The following CHRM3 variants were observed in gnomAD, a reference collection of about 807,000 sequenced individuals.
CHRM3 encodes cholinergic receptor muscarinic 3.
CHRM3 carries 11 observed loss-of-function variants against 41.8 expected under a neutral mutation model. The observed-to-expected ratio is 0.26, with a 90% CI of 0.17 to 0.44. CHRM3 has a LOEUF of 0.44. Among genes scored for constraint, CHRM3 ranks in the 20% least tolerant of loss-of-function variants. The pLI is 1.00. For synonymous variants in CHRM3, 297 were observed against 301.4 expected, an observed-to-expected ratio of 0.99 and a Z score of 0.15; for missense variants, 571 against 745.4, an observed-to-expected ratio of 0.77 and a Z score of 2.72.
At chr1:239,827,812 T>G (rs1035299516) in intron 6 of CHRM3, among the ~76,000 whole-genome samples, 1 of 152,232 alleles carries the variant, frequency 6.6e-6, no homozygotes, top group East Asian at 1.9e-4. Flanking sequence ...TGCTCATTAA[T>G]TCATTCGAGG....
rs537362950 is a variant in CHRM3, at chr1:239,648,996, G to A, written c.-250+16710G>A. 6.6e-5 allele frequency among the ~76,000 whole-genome samples: 10 copies of A among 152,200 alleles called. No individual in the cohort carries two copies. In the East Asian group the frequency reaches 1.7e-3, roughly 26 times the overall value. On this transcript the variant is annotated intron_variant, in intron 4 of 6. Coordinates refer to ENST00000676153, the MANE Select transcript of CHRM3 (RefSeq NM_001375978.1). Reference sequence around the variant, plus strand: ...TACATACACACCCATCTATATGTGTGTATATACAGTGTCACATATAATAGT... The same window carrying A: ...TACATACACACCCATCTATATGTGTATATATACAGTGTCACATATAATAGT...
chr1:239,515,966 T>C (rs543445484), intron 2 of CHRM3, among the ~76,000 whole-genome samples: 4 of 152,342 alleles, frequency 2.6e-5, no homozygotes, highest in Non-Finnish European at 5.9e-5. Flanking sequence ...GATTGTAGGA[T>C]ATTATACCCC....
chr1:239,397,620 G>A (rs951140807), intron 1 of CHRM3, among the ~76,000 whole-genome samples: 12 of 151,106 alleles, frequency 7.9e-5, no homozygotes, highest in South Asian at 4.2e-4. Context: ...TGCAGTGAGC[G>A]GAGATCGTGC....
At chr1:239,857,041 C>CT (rs1675179686) in intron 6 of CHRM3, among the ~76,000 whole-genome samples, 1 of 152,082 alleles carries the variant, frequency 6.6e-6, no homozygotes, top group Non-Finnish European at 1.5e-5. Flanking sequence ...TGAGCAGAAA[C>CT]TTGACTGGAG....
At chr1:239,649,044 A>C (rs1031936047) in intron 4 of CHRM3, among the ~76,000 whole-genome samples, 1 of 152,200 alleles carries the variant, frequency 6.6e-6, no homozygotes, top group Admixed American at 6.5e-5. Flanking sequence ...CACATTGTAT[A>C]TATTTTGATT....
At chr1:239,394,586 A>G (rs1659319935) in intron 1 of CHRM3, among the ~76,000 whole-genome samples, 1 of 152,150 alleles carries the variant, frequency 6.6e-6, no homozygotes, top group Non-Finnish European at 1.5e-5. Flanking sequence ...GATGTCATTA[A>G]TGAACAACTT....
At chr1:239,502,812 A>T (rs377259404) in intron 2 of CHRM3, among the ~76,000 whole-genome samples, 2 of 152,360 alleles carry the variant, frequency 1.3e-5, no homozygotes, top group East Asian at 3.9e-4. Flanking sequence ...CAAAAATCAC[A>T]TGATCATCTC....
chr1:239,707,678 C>A (rs1372687650), intron 5 of CHRM3: 4 of 151,986 alleles, frequency 2.6e-5, no homozygotes, highest in Non-Finnish European at 5.9e-5. Flanking sequence ...TTTTTCATTG[C>A]TTTTGTAGTT....
chr1:239,688,953 G>T (rs1021128816), intron 5 of CHRM3, among the ~76,000 whole-genome samples: 5 of 147,588 alleles, frequency 3.4e-5, no homozygotes, highest in African/African-American at 1.2e-4. Context: ...AACTTGCCCT[G>T]CAATCTTATT....
At chr1:239,579,715 A>G (rs1662690532) in intron 3 of CHRM3, among the ~76,000 whole-genome samples, 1 of 152,158 alleles carries the variant, frequency 6.6e-6, no homozygotes, top group Non-Finnish European at 1.5e-5. Context: ...GGACTTTTTA[A>G]AATGTTACCA....
At chr1:239,664,519 T>C (rs1319973507) in intron 4 of CHRM3, among the ~76,000 whole-genome samples, 1 of 152,128 alleles carries the variant, frequency 6.6e-6, no homozygotes, top group African/African-American at 2.4e-5. Context: ...GTTTGGAAAC[T>C]TTATTGTTTT....
intron 5 of CHRM3, among the ~76,000 whole-genome samples, chr1:239,803,432 C>A (rs1670371568): frequency 6.6e-6 from 1 of 152,176 alleles, no homozygotes; most frequent in South Asian, 2.1e-4. Context: ...TCCACTATCA[C>A]ACTCTTTTCA....
chr1:239,655,920 G>C (rs1672668985), intron 4 of CHRM3, among the ~76,000 whole-genome samples: 1 of 152,204 alleles, frequency 6.6e-6, no homozygotes, highest in Non-Finnish European at 1.5e-5. Context: ...TTCCATCAAT[G>C]ATGGATTAGA....
chr1:239,402,924 A>C (rs1467527230), intron 1 of CHRM3, among the ~76,000 whole-genome samples: 1 of 152,186 alleles, frequency 6.6e-6, no homozygotes, highest in Non-Finnish European at 1.5e-5. Flanking sequence ...AGGCAAATTC[A>C]AGTTTTGCTT....
At chr1:239,396,191 G>C (rs1294999928) in intron 1 of CHRM3, among the ~76,000 whole-genome samples, 1 of 151,904 alleles carries the variant, frequency 6.6e-6, no homozygotes, top group African/African-American at 2.4e-5. Context: ...ATTCACTCTT[G>C]GTTTTAGTGT....
At chr1:239,698,536 TA>T (rs1660399354) in intron 5 of CHRM3, among the ~76,000 whole-genome samples, 1 of 152,194 alleles carries the variant, frequency 6.6e-6, no homozygotes, top group African/African-American at 2.4e-5. Flanking sequence ...TTTCTGGAAG[TA>T]AAATACTTAA....
At chr1:239,489,633 T>C (rs1340385115) in intron 1 of CHRM3, among the ~76,000 whole-genome samples, 1 of 152,204 alleles carries the variant, frequency 6.6e-6, no homozygotes, top group Non-Finnish European at 1.5e-5. Flanking sequence ...TAGTTAGTGA[T>C]ACTTTATGTT....
chr1:239,587,772 G>A (rs1663580022), intron 3 of CHRM3, among the ~76,000 whole-genome samples: 2 of 152,078 alleles, frequency 1.3e-5, no homozygotes, highest in Admixed American at 1.3e-4. Context: ...GTGTAGTCTG[G>A]CCAAGAGAAA....
At chr1:239,481,985 G>T (rs1558255590) in intron 1 of CHRM3, among the ~76,000 whole-genome samples, 1 of 152,160 alleles carries the variant, frequency 6.6e-6, no homozygotes, top group African/African-American at 2.4e-5. Flanking sequence ...CCAGCAAGAA[G>T]TTCTTCTTCT....
Sources: gnomAD v4.1 joint callset for allele counts (sites outside exome capture counted in the v4.1 genomes callset) on GRCh38, gnomAD v4.1.1 for gene constraint, MANE v1.5 for transcripts, NCBI Gene and HGNC (gene_info 2026-07-23, HGNC 2026-07-21) for gene names.